Variants in HSPG2 observed in about 807,000 individuals in gnomAD.
The protein encoded by HSPG2 is heparan sulfate proteoglycan 2.
Under a neutral mutation model 526.6 loss-of-function variants are expected in HSPG2, and 278 were observed. The observed-to-expected ratio is 0.53, with a 90% CI of 0.48 to 0.58. The LOEUF (loss-of-function observed/expected upper bound fraction) is 0.58, where lower values mean the gene tolerates loss of function less well. HSPG2 is among the 20% of genes least tolerant of loss of function. The pLI, the probability that HSPG2 is intolerant of heterozygous loss-of-function variation, is 0.00. For missense variants in HSPG2, 5,354 were observed against 6,099.5 expected, an observed-to-expected ratio of 0.88 and a Z score of 4.07; for synonymous variants, 2,465 against 2,555.4, an observed-to-expected ratio of 0.96 and a Z score of 1.07.
chr1:21,836,049 C>A (rs2098025222), intron 75 of HSPG2, among the ~76,000 whole-genome samples: 1 of 151,106 alleles, frequency 6.6e-6, no homozygotes, highest in Non-Finnish European at 1.5e-5. Context: ...TGTAGAACAG[C>A]ACGCAGTGTT....
chr1:21,829,756 C>A (rs2097993971), intron 86 of HSPG2, 152 bp from the exon 87 acceptor site: 1 of 734,404 alleles, frequency 1.4e-6, no homozygotes, highest in East Asian at 2.7e-5. Context: ...GGCACAGGAG[C>A]CCCCCTGCCC....
chr1:21,873,814 A>G, intron 29 of HSPG2, 111 bp downstream of exon 29: 1 of 906,774 alleles, frequency 1.1e-6, no homozygotes, highest in Non-Finnish European at 1.7e-6. Flanking sequence ...TGCGAGGTTA[A>G]GAGCGAGAGG....
At chr1:21,929,411 C>T (rs950245927) in intron 1 of HSPG2, among the ~76,000 whole-genome samples, 1 of 145,082 alleles carries the variant, frequency 6.9e-6, no homozygotes, top group Admixed American at 6.9e-5. Flanking sequence ...ATTCTTTTTT[C>T]TTTTTTTTTT....
At chr1:21,909,123 A>T (rs1482818335) in intron 1 of HSPG2, among the ~76,000 whole-genome samples, 1 of 152,088 alleles carries the variant, frequency 6.6e-6, no homozygotes, top group African/African-American at 2.4e-5. Context: ...ACAAAAACAG[A>T]AACAATGTCA....
intron 1 of HSPG2, among the ~76,000 whole-genome samples, chr1:21,900,928 C>A (rs1409072558): frequency 6.6e-6 from 1 of 151,938 alleles, no homozygotes; most frequent in Non-Finnish European, 1.5e-5. Flanking sequence ...AAGCCCTGAA[C>A]TGAACCGACA....
At position 21,839,019 on chromosome 1, in the gene HSPG2, T is replaced by G; in HGVS notation, c.9956A>C (p.Gln3319Pro). 1 of 1,607,512 alleles carries G rather than the reference T, an allele frequency of 6.2e-7. No homozygotes were observed. Among genetic ancestry groups the G allele is most frequent in the Non-Finnish European group, 8.5e-7 (1 of 1,174,854 alleles). Residue 3319 changes from glutamine to proline, a missense_variant, in exon 74 of 97, where the codon CAG becomes CCG. Gln to Pro is a moderately conservative substitution (Grantham distance 76). Coordinates refer to ENST00000374695, the MANE Select transcript of HSPG2 (RefSeq NM_005529.7). The surrounding 1 kb of genome is among the most constrained non-coding windows in gnomAD (Gnocchi z 4.5). ...SVQAGETVQL[Q>P]CLAHGTPPLT... ...TGGGGGTGTCCCGTGAGCCAGGCAC[T>G]GGAGCTGCACCGTCTCCCCTGCCTG... is the stretch of plus-strand genomic sequence containing the variant.
At chr1:21,830,728 G>T in intron 85 of HSPG2, 1 of 541,612 alleles carries the variant, frequency 1.8e-6, no homozygotes. Context: ...GCTGGGGGTG[G>T]GGGAGTGCCT....
At position 21,829,565 on chromosome 1, in the gene HSPG2, G is replaced by A. The variant is rs757367278; in HGVS notation, c.11810C>T (p.Ser3937Phe). 6.2e-7 allele frequency: 1 copy of A among 1,609,950 alleles called. No homozygotes were observed. Among genetic ancestry groups the A allele is most frequent in the African/African-American group, 1.3e-5 (1 of 74,850 alleles). Residue 3937 changes from serine (S) to phenylalanine (F), a missense_variant, in exon 87 of 97, where the codon TCC (serine) becomes TTC (phenylalanine). Transcript: ENST00000374695. Reference protein sequence around the residue: ...VTTPSLSGAGSYLALPALTNT... With the variant: ...VTTPSLSGAGFYLALPALTNT... Reference sequence around the variant, plus strand: ...GGTGAGGGCGGGCAGTGCCAGGTAGGAGCCAGCACCCGACAGCGAGGGGGT... The same window carrying A: ...GGTGAGGGCGGGCAGTGCCAGGTAGAAGCCAGCACCCGACAGCGAGGGGGT...
At position 21,885,337 on chromosome 1, in the gene HSPG2, C is replaced by T. The variant is rs1553171928; in HGVS notation, c.1193G>A (p.Ser398Asn). 1 of 1,614,132 alleles carries T rather than the reference C, an allele frequency of 6.2e-7. No homozygotes were observed. Among genetic ancestry groups the T allele is most frequent in the Non-Finnish European group, 8.5e-7 (1 of 1,180,016 alleles). Reference sequence around the variant, plus strand: ...CTGCTCACTGCAGCCAAACTCGTCGCTCCGGTCAGGACAGTCGCTCTCCTC... The same window carrying T: ...CTGCTCACTGCAGCCAAACTCGTCGTTCCGGTCAGGACAGTCGCTCTCCTC... ...CDEESDCPDR[S>N]DEFGCMPPQV... The change falls in exon 10 of 97, where the codon AGC (serine) becomes AAC (asparagine). Residue 398 changes from serine to asparagine, a missense_variant. Transcript: ENST00000374695.
chr1:21,872,316 T>A lies in HSPG2; in HGVS notation c.4091A>T (p.Asn1364Ile). The change falls in exon 33 of 97, where the codon AAC becomes ATC. Residue 1364 changes from asparagine to isoleucine, a missense_variant. Transcript: ENST00000374695. The surrounding 1 kb of genome is among the most constrained non-coding windows in gnomAD (Gnocchi z 5.5). ...AGTGAATTCTCCTGTCAGGCGGCTG[T>A]TTCGCTGTGGGTTCACCAGGGCAAA... ...QGFALVNPQR[N>I]SRLTGEFTVE... 6.3e-7 allele frequency: 1 copy of A among 1,576,592 alleles called. No individual in the cohort carries two copies. The highest frequency in any genetic ancestry group is 1.4e-5 in the African/African-American group (1 of 74,046).
chr1:21,823,699 A>G lies in HSPG2; in HGVS notation c.12920T>C (p.Ile4307Thr), dbSNP rs1251953811. 6.2e-7 allele frequency: 1 copy of G among 1,613,548 alleles called. No individual in the cohort carries two copies. The highest frequency in any genetic ancestry group is 1.3e-5 in the African/African-American group (1 of 75,022). Residue 4307 changes from isoleucine to threonine, a missense_variant, in exon 96 of 97, where the codon ATC becomes ACC. Physicochemically the swap from Ile to Thr is moderately conservative, Grantham distance 89 (BLOSUM62 -1). Coordinates refer to ENST00000374695, the MANE Select transcript of HSPG2 (RefSeq NM_005529.7). ...TALREGRRGS[I>T]QVDGEELVSG... Reference sequence around the variant, plus strand: ...GACCAGCTCCTCACCGTCGACTTGGATGGAACCTCTGCGGCCCTCCCTGCA... The same window carrying G: ...GACCAGCTCCTCACCGTCGACTTGGGTGGAACCTCTGCGGCCCTCCCTGCA...
intron 44 of HSPG2, 82 bp downstream of exon 44, chr1:21,856,933 A>G (rs929271703): frequency 1.0e-4 from 144 of 1,415,038 alleles, no homozygotes; most frequent in Admixed American, 2.2e-4. Context: ...AATGATCAGC[A>G]GAATGAAGAA....
At chr1:21,901,015 T>C (rs1643071521) in intron 1 of HSPG2, among the ~76,000 whole-genome samples, 1 of 152,164 alleles carries the variant, frequency 6.6e-6, no homozygotes, top group Non-Finnish European at 1.5e-5. Context: ...TACCGTTGTT[T>C]GATCATGGGG....
chr1:21,868,040 A>AT (rs35588639), intron 33 of HSPG2, among the ~76,000 whole-genome samples: 8,605 of 141,716 alleles, frequency 0.061, 266 homozygotes, highest in South Asian at 0.14. Flanking sequence ...AGGAAGCTGA[A>AT]TTTTTTTTTT....
chr1:21,857,574 A>T (rs1207884961), intron 42 of HSPG2, among the ~76,000 whole-genome samples, 189 bp from the exon 43 acceptor site: 1 of 151,840 alleles, frequency 6.6e-6, no homozygotes, highest in Non-Finnish European at 1.5e-5. Context: ...TTGCCAGCAC[A>T]GAGTGGCCAC....
Position 21,880,466 on chromosome 1 carries a change from A to C in HSPG2, c.2092T>G (p.Tyr698Asp). 6.2e-7 allele frequency: 1 copy of C among 1,613,912 alleles called. No homozygotes were observed. The highest frequency in any genetic ancestry group is 2.2e-5 in the East Asian group (1 of 44,878). Residue 698 changes from tyrosine (Y) to aspartate (D), a missense_variant, in exon 16 of 97, where the codon TAC becomes GAC. Coordinates refer to ENST00000374695, the MANE Select transcript of HSPG2 (RefSeq NM_005529.7). ...CCCACGCTGGCCATCTTGGTGTTGT[A>C]CACGGTCTGGATGAGCACGGCCTCC... ...SLEAVLIQTV[Y>D]NTKMASVGLS...
rs191687773 is a variant in HSPG2, at chr1:21,851,574, C to A, written c.7130G>T (p.Arg2377Leu). 1 of 1,614,054 alleles carries A rather than the reference C, an allele frequency of 6.2e-7. No individual in the cohort carries two copies. The highest frequency in any genetic ancestry group is 8.5e-7 in the Non-Finnish European group (1 of 1,180,048). ...QSHAQVTWHK[R>L]GGSLPVRHQT... Reference sequence around the variant, plus strand: ...GTGCCGGACAGGGAGGCTGCCCCCACGCTTGTGCCACGTGACCTGGGCATG... The same window carrying A: ...GTGCCGGACAGGGAGGCTGCCCCCAAGCTTGTGCCACGTGACCTGGGCATG... Residue 2377 changes from arginine to leucine, a missense_variant, in exon 55 of 97, where the codon CGT (arginine) becomes CTT (leucine). Transcript: ENST00000374695.
chr1:21,842,316 C>T lies in HSPG2; in HGVS notation c.8975G>A (p.Arg2992His), dbSNP rs368541474. Residue 2992 changes from arginine (R) to histidine (H), a missense_variant, in exon 68 of 97, where the codon CGT becomes CAT. Physicochemically the swap from Arg to His is conservative, Grantham distance 29 (BLOSUM62 0). Transcript: ENST00000374695. ...SPADSGEYVC[R>H]AASGPGPEQE... ...CTCAGGGCCTGGGCCGCTGGCTGCA[C>T]GACACACATACTCGCCTGAGTCGGC... 1.4e-5 allele frequency: 23 copies of T among 1,612,906 alleles called. No individual in the cohort carries two copies. Among genetic ancestry groups the T allele is most frequent in the East Asian group, 1.1e-4 (5 of 44,884 alleles).
At position 21,887,898 on chromosome 1, in the gene HSPG2, C is replaced by T. The variant is rs74062205; in HGVS notation, c.703+40G>A. Reference sequence around the variant, plus strand: ...CCAGGTGTAGGACCCTGGCCCTCCCCTGGCACCCAAACCACTCGTGGCCCC... The same window carrying T: ...CCAGGTGTAGGACCCTGGCCCTCCCTTGGCACCCAAACCACTCGTGGCCCC... On this transcript the variant is annotated intron_variant, in intron 7 of 96. Coordinates refer to ENST00000374695, the MANE Select transcript of HSPG2 (RefSeq NM_005529.7). The surrounding 1 kb of genome is among the most constrained non-coding windows in gnomAD (Gnocchi z 5.0). 2.1e-3 allele frequency: 3,318 copies of T among 1,613,738 alleles called. 55 individuals carry two copies. In the African/African-American group the frequency reaches 0.038, roughly 19 times the overall value.
Sources: allele counts gnomAD v4.1 joint callset (sites outside exome capture counted in the v4.1 genomes callset), GRCh38; gene constraint gnomAD v4.1.1; non-coding constraint Gnocchi (gnomAD v3.1); transcripts MANE v1.5; gene names NCBI Gene and HGNC (gene_info 2026-07-23, HGNC 2026-07-21).